CEP126: variants seen among roughly 807,000 people sequenced by gnomAD.
The protein encoded by CEP126 is centrosomal protein of 126 kDa.
A neutral mutation model predicts 107.8 loss-of-function variants in CEP126; 74 were observed. The observed-to-expected ratio is 0.69, with a 90% CI of 0.57 to 0.83. The LOEUF (loss-of-function observed/expected upper bound fraction) is 0.83, where lower values mean the gene tolerates loss of function less well. Ranked by LOEUF, CEP126 falls within the 40% of genes least tolerant of loss-of-function variation. The pLI is 0.00. For synonymous variants in CEP126, 449 were observed against 446.0 expected (o/e 1.01, Z -0.08); for missense variants, 1,237 against 1,281.9 (o/e 0.96, Z 0.53).
Position 101,915,397 on chromosome 11 carries a change from G to C in CEP126, c.113G>C (p.Arg38Pro). Reference sequence around the variant, plus strand: ...CCTCGGGAGAGCGGCGGGCATCACCGACCTGGCTCTTACCTGTATCCTTCC... The same window carrying C: ...CCTCGGGAGAGCGGCGGGCATCACCCACCTGGCTCTTACCTGTATCCTTCC... Reference protein sequence around the residue: ...LGPRESGGHHRPGSYLDMKIH... With the variant: ...LGPRESGGHHPPGSYLDMKIH... Residue 38 changes from arginine to proline, a missense_variant, in exon 1 of 11, where the codon CGA (arginine) becomes CCA (proline). By Grantham distance (103) the Arg-to-Pro change is moderately radical. Around this residue, in one of 3 missense-constraint regions of CEP126, gnomAD observed 1,134 missense variants for 1,150.5 expected, o/e 0.99. Transcript: ENST00000263468. 6.2e-7 allele frequency: 1 copy of C among 1,613,110 alleles called. No individual in the cohort carries two copies. Among genetic ancestry groups the C allele is most frequent in the Non-Finnish European group, 8.5e-7 (1 of 1,179,746 alleles).
Position 101,962,427 on chromosome 11 carries a change from T to A in CEP126, c.1392T>A (p.Val464=), listed in dbSNP as rs1940989617. 2 of 1,613,710 alleles carry A rather than the reference T, an allele frequency of 1.2e-6. No homozygotes were observed. Among genetic ancestry groups the A allele is most frequent in the South Asian group, 2.2e-5 (2 of 91,072 alleles). ...GTGTACCAGTGGCAACGCCTTTAGT[T>A]TTGCCATCTAATATACAGTCAGCTA... ...TSCVPVATPL[V]LPSNIQSARP... The change falls in exon 6 of 11, where the codon GTT becomes GTA. Residue 464 remains valine, a synonymous_variant. Coordinates refer to ENST00000263468, the MANE Select transcript of CEP126 (RefSeq NM_020802.4).
At chr11:101,992,207 AG>A (rs1340301076) in intron 9 of CEP126, among the ~76,000 whole-genome samples, 2 of 152,264 alleles carry the variant, frequency 1.3e-5, no homozygotes, top group African/African-American at 4.8e-5. Flanking sequence ...TATGAGTTTA[AG>A]ATGTAAAATT....
chr11:101,953,909 T>C (rs1353883553), intron 4 of CEP126, among the ~76,000 whole-genome samples: 2 of 152,170 alleles, frequency 1.3e-5, no homozygotes, highest in African/African-American at 2.4e-5. Context: ...TTAAAAATTC[T>C]AAACCAGTTA....
At chr11:101,959,135 A>C (rs1940939396) in intron 5 of CEP126, among the ~76,000 whole-genome samples, 1 of 151,858 alleles carries the variant, frequency 6.6e-6, no homozygotes, top group Non-Finnish European at 1.5e-5. Flanking sequence ...AAAAAACTTA[A>C]CACTTTTTTC....
chr11:101,956,337 C>A (rs766286163), intron 4 of CEP126: 62 of 456,210 alleles, frequency 1.4e-4, no homozygotes, highest in Non-Finnish European at 4.0e-5. Flanking sequence ...AGTCACCCCC[C>A]TTATCCACCA....
In CEP126 at chr11:101,985,988, A is replaced by ATTTTTTTT. The variant is rs773628925; in HGVS notation, c.3035-841_3035-840insTTTTTTTT. Among the ~76,000 whole-genome samples the ATTTTTTTT allele has an allele frequency of 1.5e-4, 19 of 126,474 alleles. 2 individuals carry two copies. Among genetic ancestry groups the ATTTTTTTT allele is most frequent in the East Asian group, 8.1e-4 (3 of 3,720 alleles). 83.0% of individuals were successfully genotyped at this position (126,474 alleles called of 152,430 possible). A position where few individuals can be genotyped will look rare whatever the true frequency, so the allele number is the denominator to read the frequency against. On this transcript the variant is annotated intron_variant, in intron 8 of 10. Transcript: ENST00000263468. ...CAGTGGGAAGTAAAACTCTGAATTG[A>ATTTTTTTT]TTTCTTTTTTTTTTTTTTTTTTTTG...
chr11:101,955,725 C>CA (rs796441551), intron 4 of CEP126: 144 of 362,972 alleles, frequency 4.0e-4, no homozygotes, highest in African/African-American at 2.2e-3. Flanking sequence ...CCCAATAAAC[C>CA]AAAAAAAATA....
At chr11:101,991,254 A>G (rs1185075729) in intron 9 of CEP126, among the ~76,000 whole-genome samples, 2 of 152,122 alleles carry the variant, frequency 1.3e-5, no homozygotes, top group African/African-American at 2.4e-5. Flanking sequence ...CACTACACAC[A>G]CCTACACACA....
At position 101,979,710 on chromosome 11, in the gene CEP126, C is replaced by T. The variant is rs1157119109; in HGVS notation, c.2958+1251C>T. Reference sequence around the variant, plus strand: ...CTATGACTGTGCCACTGTACTCCAGCCCAGGTGACAGAGCAAGACCCTGTC... The same window carrying T: ...CTATGACTGTGCCACTGTACTCCAGTCCAGGTGACAGAGCAAGACCCTGTC... On this transcript the variant is annotated intron_variant, in intron 7 of 10. Transcript: ENST00000263468. 5.3e-5 allele frequency among the ~76,000 whole-genome samples: 8 copies of T among 152,032 alleles called. No individual in the cohort carries two copies. The South Asian group carries it at 8.3e-4, about 16-fold the overall frequency.
intron 8 of CEP126, among the ~76,000 whole-genome samples, chr11:101,983,221 A>G (rs946590102): frequency 1.3e-5 from 2 of 152,264 alleles, no homozygotes; most frequent in African/African-American, 4.8e-5. Flanking sequence ...CTGTTTATCA[A>G]TAGCCCAGAA....
chr11:101,984,590 G>A (rs1941295021), intron 8 of CEP126, among the ~76,000 whole-genome samples: 1 of 152,140 alleles, frequency 6.6e-6, no homozygotes, highest in South Asian at 2.1e-4. Flanking sequence ...AAAGAAAAAG[G>A]TGCCAATTGA....
chr11:101,976,274 G>A (rs549849078), intron 6 of CEP126, among the ~76,000 whole-genome samples: 17 of 152,180 alleles, frequency 1.1e-4, no homozygotes, highest in Admixed American at 1.0e-3. Context: ...TAGCCATTCG[G>A]GCTGGTGTGA....
chr11:101,990,892 G>A (rs997455489), intron 9 of CEP126, among the ~76,000 whole-genome samples: 5 of 152,138 alleles, frequency 3.3e-5, no homozygotes, highest in African/African-American at 7.2e-5. Context: ...AGTAATTACT[G>A]TTGTCGGCTA....
At position 101,979,819 on chromosome 11, in the gene CEP126, T is replaced by C. The variant is rs181768111; in HGVS notation, c.2958+1360T>C. On this transcript the variant is annotated intron_variant, in intron 7 of 10. Coordinates refer to ENST00000263468, the MANE Select transcript of CEP126 (RefSeq NM_020802.4). ...AGAGCTAAGTAAGTGAAATCAAATATGGCATTTTCTAGAGGTCTAACTTGA... is the reference window on the plus strand; with the variant it reads ...AGAGCTAAGTAAGTGAAATCAAATACGGCATTTTCTAGAGGTCTAACTTGA... 3.5e-4 allele frequency among the ~76,000 whole-genome samples: 54 copies of C among 152,294 alleles called. 1 individual carries two copies. The highest frequency in any genetic ancestry group is 1.2e-3 in the African/African-American group (48 of 41,570).
chr11:101,992,339 G>A (rs1451012955), intron 9 of CEP126, among the ~76,000 whole-genome samples: 1 of 151,640 alleles, frequency 6.6e-6, no homozygotes, highest in Non-Finnish European at 1.5e-5. Context: ...TTTTTCTTTT[G>A]CTCAGATGCT....
chr11:101,971,352 A>C (rs909830967), intron 6 of CEP126, among the ~76,000 whole-genome samples: 26 of 152,162 alleles, frequency 1.7e-4, no homozygotes, highest in African/African-American at 6.3e-4. Flanking sequence ...ACATTGATCT[A>C]TACAGTTTGT....
chr11:101,937,664 G>A (rs540080524), intron 2 of CEP126, among the ~76,000 whole-genome samples: 4 of 151,938 alleles, frequency 2.6e-5, no homozygotes, highest in African/African-American at 4.8e-5. Flanking sequence ...GGAGTGTTTT[G>A]TTCACCTCTA....
chr11:101,988,826 A>G (rs554914747), intron 9 of CEP126, among the ~76,000 whole-genome samples: 34 of 152,130 alleles, frequency 2.2e-4, no homozygotes, highest in African/African-American at 8.2e-4. Flanking sequence ...TATGATGAGC[A>G]AAGTCTTACT....
intron 4 of CEP126, among the ~76,000 whole-genome samples, chr11:101,957,510 G>A (rs145022491): frequency 5.8e-4 from 89 of 152,230 alleles, no homozygotes; most frequent in African/African-American, 2.1e-3. Flanking sequence ...TGTTTGGATG[G>A]CCCTTTAGCA....
Sources: allele counts gnomAD v4.1 joint callset (sites outside exome capture counted in the v4.1 genomes callset), GRCh38; gene constraint gnomAD v4.1.1; regional missense constraint gnomAD v4.1.1; transcripts MANE v1.5; gene names NCBI Gene and HGNC (gene_info 2026-07-23, HGNC 2026-07-21).